BCL7C: variants seen among roughly 807,000 people sequenced by gnomAD.
BCL7C encodes B-cell CLL/lymphoma 7 protein family member C.
Under a neutral mutation model 26.2 loss-of-function variants are expected in BCL7C, and 8 were observed. That is an observed-to-expected ratio of 0.30 (90% CI 0.18 to 0.55). The LOEUF (loss-of-function observed/expected upper bound fraction) is 0.55, where lower values mean the gene tolerates loss of function less well. BCL7C is among the 20% of genes least tolerant of loss of function. The probability of loss-of-function intolerance (pLI) is 0.93; values close to 1 mark genes in which losing one functional copy is unlikely to be tolerated. For missense variants in BCL7C, 262 were observed against 298.5 expected, an observed-to-expected ratio of 0.88 and a Z score of 0.90; for synonymous variants, 90 against 116.5, an observed-to-expected ratio of 0.77 and a Z score of 1.47.
At chr16:30,839,593 G>A (rs767778291) in intron 5 of BCL7C, among the ~76,000 whole-genome samples, 35 of 152,248 alleles carry the variant, frequency 2.3e-4, no homozygotes, top group Middle Eastern at 3.2e-3. Context: ...TTGCTGACTT[G>A]AAGAAGGAGG....
downstream of BCL7C, among the ~76,000 whole-genome samples, chr16:30,886,600 G>A (rs916964739): frequency 1.3e-5 from 2 of 152,160 alleles, no homozygotes; most frequent in African/African-American, 4.8e-5. Context: ...TCGTAGACAA[G>A]ACAGACACAC....
At chr16:30,859,833 C>T (rs2054754718) in intron 5 of BCL7C, among the ~76,000 whole-genome samples, 1 of 152,204 alleles carries the variant, frequency 6.6e-6, no homozygotes. Context: ...CCTTGTTGCT[C>T]ACACAAAGCC....
chr16:30,881,810 C>T (rs2143097001), intron 5 of BCL7C, among the ~76,000 whole-genome samples: 1 of 152,306 alleles, frequency 6.6e-6, no homozygotes, highest in South Asian at 2.1e-4. Context: ...GCCTTTGCCT[C>T]AGTGAGGCCC....
At chr16:30,847,833 A>G (rs1297754263) in intron 5 of BCL7C, among the ~76,000 whole-genome samples, 1 of 151,988 alleles carries the variant, frequency 6.6e-6, no homozygotes, top group East Asian at 1.9e-4. Flanking sequence ...AAATCTCACC[A>G]TGTTTCAGGG....
chr16:30,868,781 A>G (rs567869387), intron 5 of BCL7C, among the ~76,000 whole-genome samples: 103 of 151,938 alleles, frequency 6.8e-4, no homozygotes, highest in Non-Finnish European at 1.3e-3. Flanking sequence ...GCGAAACTCC[A>G]TCTGAAACAA....
At chr16:30,839,216 GA>G (rs2054587517) in intron 5 of BCL7C, among the ~76,000 whole-genome samples, 1 of 152,190 alleles carries the variant, frequency 6.6e-6, no homozygotes, top group Non-Finnish European at 1.5e-5. Flanking sequence ...TGAATGAGCC[GA>G]AGAGCTGACT....
chr16:30,838,018 C>G (rs187686645), intron 5 of BCL7C, among the ~76,000 whole-genome samples: 1 of 152,206 alleles, frequency 6.6e-6, no homozygotes, highest in Non-Finnish European at 1.5e-5. Context: ...TGAATAGAAC[C>G]AGGACATTCC....
chr16:30,844,216 G>A lies in BCL7C; in HGVS notation c.529-9068C>T, dbSNP rs374166022. Among the ~76,000 whole-genome samples, 11 of 151,388 alleles carry A rather than the reference G, an allele frequency of 7.3e-5. No individual in the cohort carries two copies. The East Asian group carries it at 1.4e-3, about 19-fold the overall frequency. ...AATACCAAAATTAGCTGGGCGTGGTGGTGCGCACCTGTAGTCCCAGCTACT... is the reference window on the plus strand; with the variant it reads ...AATACCAAAATTAGCTGGGCGTGGTAGTGCGCACCTGTAGTCCCAGCTACT... On this transcript the variant is annotated intron_variant, in intron 5 of 5. Coordinates refer to the BCL7C transcript ENST00000380317.
chr16:30,870,688 T>G (rs946908875), intron 5 of BCL7C, among the ~76,000 whole-genome samples: 21 of 151,416 alleles, frequency 1.4e-4, no homozygotes, highest in Non-Finnish European at 2.8e-4. Context: ...TAAAATTAAA[T>G]AAATAAATAA....
chr16:30,862,203 G>A (rs950616333), intron 5 of BCL7C, among the ~76,000 whole-genome samples: 2 of 152,084 alleles, frequency 1.3e-5, no homozygotes, highest in Non-Finnish European at 2.9e-5. Context: ...ATTAGGTCGA[G>A]ACATTTTAAC....
At chr16:30,853,910 T>C (rs2054698114) in intron 5 of BCL7C, among the ~76,000 whole-genome samples, 1 of 152,336 alleles carries the variant, frequency 6.6e-6, no homozygotes, top group East Asian at 1.9e-4. Flanking sequence ...AACCTCCTCA[T>C]CCTTGACAAA....
chr16:30,893,042 AG>A lies in BCL7C; in HGVS notation c.172-95del. On this transcript the variant is annotated intron_variant, in intron 2 of 5. Coordinates refer to ENST00000215115, the MANE Select transcript of BCL7C (RefSeq NM_004765.4). This position sits in a 1 kb window ranked among gnomAD's most constrained non-coding sequence, Gnocchi z 5.2. ...CTGAGAAGCAAAAGGGCTCAAACTC[AG>A]GGGGTGTGGAGCAGAAAAGAGGGCA... is the stretch of plus-strand genomic sequence containing the variant. 2 of 1,328,866 alleles carry A rather than the reference AG, an allele frequency of 1.5e-6. No individual in the cohort carries two copies. Among genetic ancestry groups the A allele is most frequent in the Non-Finnish European group, 2.1e-6 (2 of 949,516 alleles). 82.3% of individuals were successfully genotyped at this position (1,328,866 alleles called of 1,614,324 possible).
intron 5 of BCL7C, among the ~76,000 whole-genome samples, chr16:30,888,316 G>A (rs528313581): frequency 7.9e-5 from 12 of 152,090 alleles, no homozygotes; most frequent in South Asian, 4.1e-4. Context: ...ATGGAGGAGC[G>A]CCATGATTTT....
intron 5 of BCL7C, among the ~76,000 whole-genome samples, chr16:30,850,325 C>A (rs2054665873): frequency 6.6e-6 from 1 of 152,024 alleles, no homozygotes. Flanking sequence ...GTTACTTTTG[C>A]ATGGCATATC....
intron 5 of BCL7C, among the ~76,000 whole-genome samples, chr16:30,847,011 G>A (rs563454073): frequency 2.6e-5 from 4 of 152,282 alleles, no homozygotes; most frequent in East Asian, 1.9e-4. Context: ...CAGTACAGTC[G>A]AGTTATTACA....
intron 5 of BCL7C, among the ~76,000 whole-genome samples, chr16:30,838,558 G>T (rs1181738283): frequency 6.6e-6 from 1 of 152,210 alleles, no homozygotes; most frequent in Non-Finnish European, 1.5e-5. Flanking sequence ...CAAGGTGGGT[G>T]GGTCACTTGA....
chr16:30,859,178 G>A lies in BCL7C; in HGVS notation c.529-24030C>T, dbSNP rs144614002. On this transcript the variant is annotated intron_variant, in intron 5 of 5. Coordinates refer to the BCL7C transcript ENST00000380317. ...CTTTCAGTAGTGGTTACAAATTCACGATAATGACAGATGAAGAGGTAAGGT... is the reference window on the plus strand; with the variant it reads ...CTTTCAGTAGTGGTTACAAATTCACAATAATGACAGATGAAGAGGTAAGGT... Among the ~76,000 whole-genome samples the A allele has an allele frequency of 2.7e-3, 405 of 152,294 alleles. 2 individuals carry two copies. The highest frequency in any genetic ancestry group is 8.5e-3 in the African/African-American group (352 of 41,568).
chr16:30,855,775 A>G (rs1286233003), intron 5 of BCL7C, among the ~76,000 whole-genome samples: 4 of 151,746 alleles, frequency 2.6e-5, no homozygotes, highest in Admixed American at 2.0e-4. Context: ...AAAAGAAAAG[A>G]AAGGGCTGGG....
At chr16:30,879,466 A>G (rs72799329) in intron 5 of BCL7C, among the ~76,000 whole-genome samples, 4 of 152,148 alleles carry the variant, frequency 2.6e-5, no homozygotes, top group Non-Finnish European at 5.9e-5. Context: ...CCTCAAGAAT[A>G]TTAGCCTGAG....
Sources: allele counts gnomAD v4.1 joint callset (sites outside exome capture counted in the v4.1 genomes callset), GRCh38; gene constraint gnomAD v4.1.1; non-coding constraint Gnocchi (gnomAD v3.1); transcripts MANE v1.5; gene names NCBI Gene and HGNC (gene_info 2026-07-23, HGNC 2026-07-21).